LAMC2: variants seen among roughly 807,000 people sequenced by gnomAD.
LAMC2 encodes laminin subunit gamma 2.
A neutral mutation model predicts 140.2 loss-of-function variants in LAMC2; 97 were observed. The observed-to-expected ratio is 0.69, with a 90% CI of 0.59 to 0.82. The LOEUF (loss-of-function observed/expected upper bound fraction) is 0.82, where lower values mean the gene tolerates loss of function less well. LAMC2 is among the 40% of genes least tolerant of loss of function. The pLI is 0.00. For missense variants in LAMC2, 1,402 were observed against 1,476.1 expected (o/e 0.95, Z 0.82); for synonymous variants, 513 against 540.2 (o/e 0.95, Z 0.70).
intron 14 of LAMC2, 54 bp downstream of exon 14, chr1:183,232,911 C>T: frequency 3.3e-6 from 5 of 1,511,882 alleles, no homozygotes; most frequent in Non-Finnish European, 4.6e-6. Context: ...GGGAGACCTA[C>T]TTGTAGATCT....
chr1:183,195,230 G>A (rs1658477523), intron 1 of LAMC2, among the ~76,000 whole-genome samples: 1 of 152,070 alleles, frequency 6.6e-6, no homozygotes, highest in African/African-American at 2.4e-5. Flanking sequence ...CTCCAGGTGT[G>A]AACTCCTGAT....
intron 20 of LAMC2, 121 bp downstream of exon 20, chr1:183,239,684 G>A: frequency 1.2e-6 from 1 of 824,732 alleles, no homozygotes; most frequent in Non-Finnish European, 1.9e-6. Context: ...TGTGGCCCAT[G>A]GGAGCCCCAG....
At chr1:183,247,799 CT>C (rs1660269892), downstream of LAMC2, among the ~76,000 whole-genome samples, 1 of 152,172 alleles carries the variant, frequency 6.6e-6, no homozygotes, top group African/African-American at 2.4e-5. Context: ...AAATTGTTCA[CT>C]TTTGCTTGTT....
At position 183,220,830 on chromosome 1, in the gene LAMC2, G is replaced by C; in HGVS notation, c.509G>C (p.Arg170Pro). Residue 170 changes from arginine (R) to proline (P), a missense_variant, in exon 5 of 23, where the codon CGA becomes CCA. By Grantham distance (103) the Arg-to-Pro change is moderately radical. This residue lies in a region of LAMC2 where 723 missense variants were observed against 783.3 expected (regional missense o/e 0.92). Transcript: ENST00000264144. ...AVTGERCDRC[R>P]SGYYNLDGGN... ...TTTCTACAATGCCACTGCAGGTGTC[G>C]ATCAGGTTACTATAATCTGGATGGG... 6.2e-7 allele frequency: 1 copy of C among 1,613,830 alleles called. No homozygotes were observed. Among genetic ancestry groups the C allele is most frequent in the East Asian group, 2.2e-5 (1 of 44,888 alleles).
Position 183,207,959 on chromosome 1 carries a change from G to A in LAMC2, c.158G>A (p.Cys53Tyr), listed in dbSNP as rs1443834670. The A allele has an allele frequency of 2.5e-6, 4 of 1,613,786 alleles. No individual in the cohort carries two copies. The South Asian group carries it at 4.4e-5, about 18-fold the overall frequency. Residue 53 changes from cysteine (C) to tyrosine (Y), a missense_variant, in exon 2 of 23, where the codon TGC becomes TAC. By Grantham distance (194) the Cys-to-Tyr change is radical. Coordinates refer to ENST00000264144, the MANE Select transcript of LAMC2 (RefSeq NM_005562.3). The part of the protein sequence containing the change: ...LHRQTGNGFR[C>Y]LNCNDNTDGI... ...AGACAAACTGGTAATGGATTCCGCT[G>A]CCTCAACTGCAATGACAACACTGAT...
At chr1:183,252,983 G>C in the LAMC2 span, among the ~76,000 whole-genome samples, 1 of 152,118 alleles carries the variant, frequency 6.6e-6, no homozygotes, top group African/African-American at 2.4e-5. Context: ...AAGCCCCTCT[G>C]TTCTTCAGTT....
In LAMC2 at chr1:183,225,677, G is replaced by A. The variant is rs1659604686; in HGVS notation, c.1023G>A (p.Arg341=). 1 of 1,613,896 alleles carries A rather than the reference G, an allele frequency of 6.2e-7. No individual in the cohort carries two copies. The highest frequency in any genetic ancestry group is 1.7e-5 in the Admixed American group (1 of 59,996). The part of the protein sequence containing the change: ...LSYFEYRRLL[R]NLTALRIRAT... ...ACTTTGAGTATCGAAGGTTACTGCG[G>A]AATCTCACAGCCCTCCGCATCCGAG... is the stretch of plus-strand genomic sequence containing the variant. The change falls in exon 8 of 23, where the codon CGG becomes CGA. Residue 341 remains arginine, a synonymous_variant. Coordinates refer to ENST00000264144, the MANE Select transcript of LAMC2 (RefSeq NM_005562.3).
the LAMC2 span, among the ~76,000 whole-genome samples, chr1:183,256,003 A>G: frequency 1.3e-5 from 2 of 152,254 alleles, no homozygotes; most frequent in Non-Finnish European, 2.9e-5. Flanking sequence ...ACTTTGCTGA[A>G]TGGAAGTGGG....
At chr1:183,252,698 G>C in the LAMC2 span, 3 of 1,614,088 alleles carry the variant, frequency 1.9e-6, no homozygotes, top group East Asian at 6.7e-5. Context: ...TGACCGGCTG[G>C]GACAGGTAAT....
chr1:183,222,030 T>C, intron 5 of LAMC2, 59 bp from the exon 6 acceptor site: 2 of 1,610,672 alleles, frequency 1.2e-6, no homozygotes, highest in Non-Finnish European at 1.7e-6. Flanking sequence ...TCTTTCTTTG[T>C]TTAACTTAAT....
intron 2 of LAMC2, among the ~76,000 whole-genome samples, chr1:183,213,225 C>A (rs907843927): frequency 2.0e-5 from 3 of 152,190 alleles, no homozygotes; most frequent in Non-Finnish European, 2.9e-5. Flanking sequence ...AGGAGATGCT[C>A]AAAAAATGTC....
At chr1:183,236,020 G>A (rs1392378462) in intron 16 of LAMC2, among the ~76,000 whole-genome samples, 1 of 152,106 alleles carries the variant, frequency 6.6e-6, no homozygotes, top group Non-Finnish European at 1.5e-5. Context: ...CCATCTGATG[G>A]CATGGGGAGA....
At chr1:183,252,855 G>A in the LAMC2 span, 4 of 759,382 alleles carry the variant, frequency 5.3e-6, no homozygotes, top group Non-Finnish European at 4.6e-6. Flanking sequence ...CTCAGGTTGA[G>A]TAAATAGTTC....
chr1:183,215,513 G>C lies in LAMC2; in HGVS notation c.329G>C (p.Gly110Ala). Reference protein sequence around the residue: ...GRCSCKPGVTGARCDRCLPGF... With the variant: ...GRCSCKPGVTAARCDRCLPGF... ...TGCAGCTGTAAACCAGGTGTGACAG[G>C]AGCCAGATGCGACCGATGTCTGCCA... The change falls in exon 3 of 23, where the codon GGA becomes GCA. Residue 110 changes from glycine (G) to alanine (A), a missense_variant. By Grantham distance (60) the Gly-to-Ala change is moderately conservative (BLOSUM62 0). This residue lies in a region of LAMC2 where 723 missense variants were observed against 783.3 expected (regional missense o/e 0.92). Transcript: ENST00000264144. 1 of 1,614,172 alleles carries C rather than the reference G, an allele frequency of 6.2e-7. No homozygotes were observed. Among genetic ancestry groups the C allele is most frequent in the Non-Finnish European group, 8.5e-7 (1 of 1,180,032 alleles).
Position 183,227,679 on chromosome 1 carries a change from T to C in LAMC2, c.1450T>C (p.Cys484Arg). ...PETEEVVCNN[C>R]PPGVTGARCE... ...GACGGAGGAGGTGGTGTGCAATAAC[T>C]GCCCTCCCGGGGTCACCGGTAAGGC... Residue 484 changes from cysteine (C) to arginine (R), a missense_variant, in exon 10 of 23, where the codon TGC becomes CGC. Around this residue, in one of 3 missense-constraint regions of LAMC2, gnomAD observed 723 missense variants for 783.3 expected, o/e 0.92. Transcript: ENST00000264144. The C allele has an allele frequency of 1.2e-6, 2 of 1,614,180 alleles. No homozygotes were observed. The highest frequency in any genetic ancestry group is 1.7e-6 in the Non-Finnish European group (2 of 1,180,012).
In LAMC2 at chr1:183,222,157, C is replaced by A. The variant is rs757617349; in HGVS notation, c.709C>A (p.Gln237Lys). ...AAAGCTCCAATGGTCACAGCGCCAT[C>A]AAGATGTGTTTAGCTCAGCCCAACG... ...PAKLQWSQRH[Q>K]DVFSSAQRLD... Residue 237 changes from glutamine (Q) to lysine (K), a missense_variant, in exon 6 of 23, where the codon CAA becomes AAA. This residue lies in a region of LAMC2 where 723 missense variants were observed against 783.3 expected (regional missense o/e 0.92). Transcript: ENST00000264144. 10 of 1,613,992 alleles carry A rather than the reference C, an allele frequency of 6.2e-6. No individual in the cohort carries two copies. The highest frequency in any genetic ancestry group is 1.7e-5 in the Admixed American group (1 of 60,006).
At chr1:183,212,579 CCCT>C (rs1269705523) in intron 2 of LAMC2, among the ~76,000 whole-genome samples, 2 of 152,210 alleles carry the variant, frequency 1.3e-5, no homozygotes, top group African/African-American at 4.8e-5. Flanking sequence ...TCACCACTTC[CCCT>C]CCTCTCTCCA....
At chr1:183,252,442 C>A in the LAMC2 span, 1 of 442,812 alleles carries the variant, frequency 2.3e-6, no homozygotes, top group Non-Finnish European at 4.3e-6. Context: ...AACCCGGAGA[C>A]TAGAGGAAAG....
the LAMC2 span, among the ~76,000 whole-genome samples, chr1:183,258,150 A>C: frequency 3.9e-5 from 6 of 152,204 alleles, no homozygotes; most frequent in Non-Finnish European, 7.3e-5. Flanking sequence ...AAAGGACTCC[A>C]GTGACACATT....
Sources: allele counts gnomAD v4.1 joint callset (sites outside exome capture counted in the v4.1 genomes callset), GRCh38; gene constraint gnomAD v4.1.1; regional missense constraint gnomAD v4.1.1; transcripts MANE v1.5; gene names NCBI Gene and HGNC (gene_info 2026-07-23, HGNC 2026-07-21).